The following KCNAB3 variants were observed in gnomAD, a reference collection of about 807,000 sequenced individuals.
KCNAB3 encodes potassium voltage-gated channel subfamily A regulatory beta subunit 3, also known as voltage-gated potassium channel subunit beta-3.
KCNAB3 carries 62 observed loss-of-function variants against 67.7 expected under a neutral mutation model. The observed-to-expected ratio is 0.92, with a 90% CI of 0.75 to 1.13. The LOEUF (loss-of-function observed/expected upper bound fraction) is 1.13, where lower values mean the gene tolerates loss of function less well. Among genes scored for constraint, KCNAB3 ranks in the 50% most tolerant of loss-of-function variants. KCNAB3 has a pLI of 0.00. For synonymous variants in KCNAB3, 212 were observed against 205.4 expected (o/e 1.03, Z -0.27); for missense variants, 514 against 522.9 (o/e 0.98, Z 0.17).
rs1334958564 is a variant in KCNAB3, at chr17:7,922,971, C to G, written c.*131G>C. 2 of 806,348 alleles carry G rather than the reference C, an allele frequency of 2.5e-6. No homozygotes were observed. Among genetic ancestry groups the G allele is most frequent in the African/African-American group, 3.4e-5 (2 of 59,460 alleles). 49.9% of individuals were successfully genotyped at this position (806,348 alleles called of 1,614,324 possible). A position where few individuals can be genotyped will look rare whatever the true frequency, so the allele number is the denominator to read the frequency against. ...TGCGTATCACTACTCGAAGCCGGGA[C>G]TCGTTGGTGGGCGGGGCTAGTCTGG... On this transcript the variant is annotated 3_prime_UTR_variant, in exon 14 of 14. Transcript: ENST00000303790.
chr17:7,929,835 G>GCTTT lies in KCNAB3; in HGVS notation c.-401_-400insAAAG. The GCTTT allele has an allele frequency of 1.1e-5, 11 of 1,029,898 alleles. No homozygotes were observed. Among genetic ancestry groups the GCTTT allele is most frequent in the South Asian group, 3.5e-5 (1 of 28,926 alleles). The allele number at this position is 1,029,898 out of a possible 1,614,324, so 63.8% of individuals were successfully genotyped here. On this transcript the variant is annotated 5_prime_UTR_variant, in exon 1 of 14. Coordinates refer to ENST00000303790, the MANE Select transcript of KCNAB3 (RefSeq NM_004732.4). This position sits in a 1 kb window ranked among gnomAD's most constrained non-coding sequence, Gnocchi z 5.7. ...TGCGGGACCCGCTGGGCTCCCAGCC[G>GCTTT]CGTCGGCAGCGGGCCCAGCTCATCA...
chr17:7,927,703 G>C lies in KCNAB3; in HGVS notation c.287-9C>G. On this transcript the variant is annotated splice_polypyrimidine_tract_variant and intron_variant, in intron 2 of 13. Coordinates refer to ENST00000303790, the MANE Select transcript of KCNAB3 (RefSeq NM_004732.4). ...AAATGTGACCCAGGTACCTGCAAGA[G>C]AGAAGCCAGGCACATGAGAACTGCA... is the stretch of plus-strand genomic sequence containing the variant. 1 of 1,614,190 alleles carries C rather than the reference G, an allele frequency of 6.2e-7. No individual in the cohort carries two copies. The highest frequency in any genetic ancestry group is 8.5e-7 in the Non-Finnish European group (1 of 1,180,018).
chr17:7,929,420 C>T lies in KCNAB3; in HGVS notation c.16G>A (p.Ala6Thr), dbSNP rs1224449471. Residue 6 changes from alanine (A) to threonine (T), a missense_variant, in exon 1 of 14, where the codon GCG becomes ACG. Ala to Thr is a moderately conservative substitution (Grantham distance 58). Transcript: ENST00000303790. This position sits in a 1 kb window ranked among gnomAD's most constrained non-coding sequence, Gnocchi z 5.7. ...CTGCGAAGGTTCTGCTCGGTACACG[C>T]GATAGACACCTGCATGCTGGCTGGC... is the stretch of plus-strand genomic sequence containing the variant. MQVSIACTEQNLRSRS... is the reference protein window; with the variant it reads MQVSITCTEQNLRSRS... 6.5e-7 allele frequency: 1 copy of T among 1,547,844 alleles called. No individual in the cohort carries two copies. Among genetic ancestry groups the T allele is most frequent in the East Asian group, 2.4e-5 (1 of 40,838 alleles).
chr17:7,925,631 T>G, intron 7 of KCNAB3, 52 bp downstream of exon 7: 1 of 1,570,686 alleles, frequency 6.4e-7, no homozygotes, highest in Non-Finnish European at 8.7e-7. Flanking sequence ...TGTTCCCTAC[T>G]CCTCTGGCTT....
chr17:7,929,824 G>GATC lies in KCNAB3; in HGVS notation c.-390_-389insGAT. On this transcript the variant is annotated 5_prime_UTR_variant, in exon 1 of 14. Transcript: ENST00000303790. This position sits in a 1 kb window ranked among gnomAD's most constrained non-coding sequence, Gnocchi z 5.7. ...GCGCGAACCGCTGCGGGACCCGCTG[G>GATC]GCTCCCAGCCGCGTCGGCAGCGGGC... The GATC allele has an allele frequency of 3.9e-6, 4 of 1,015,320 alleles. No individual in the cohort carries two copies. The highest frequency in any genetic ancestry group is 6.0e-5 in the Admixed American group (1 of 16,552). The allele number at this position is 1,015,320 out of a possible 1,614,324, so 62.9% of individuals were successfully genotyped here.
In KCNAB3 at chr17:7,929,409, C is replaced by G. The variant is rs1157526556; in HGVS notation, c.27G>C (p.Glu9Asp). ...CACTGCTCCGGCTGCGAAGGTTCTG[C>G]TCGGTACACGCGATAGACACCTGCA... MQVSIACTEQNLRSRSSED... is the reference protein window; with the variant it reads MQVSIACTDQNLRSRSSED... The change falls in exon 1 of 14, where the codon GAG (glutamate) becomes GAC (aspartate). Residue 9 changes from glutamate to aspartate, a missense_variant. By Grantham distance (45) the Glu-to-Asp change is conservative. Coordinates refer to ENST00000303790, the MANE Select transcript of KCNAB3 (RefSeq NM_004732.4). The surrounding 1 kb of genome is among the most constrained non-coding windows in gnomAD (Gnocchi z 5.7). 6.5e-7 allele frequency: 1 copy of G among 1,548,280 alleles called. No individual in the cohort carries two copies.
Position 7,922,837 on chromosome 17 carries a change from C to T in KCNAB3, c.*265G>A, listed in dbSNP as rs551764637. 7.9e-4 allele frequency: 423 copies of T among 534,484 alleles called. 1 individual carries two copies. Among genetic ancestry groups the T allele is most frequent in the Non-Finnish European group, 1.2e-3 (351 of 295,054 alleles). The allele number at this position is 534,484 out of a possible 1,614,324, so 33.1% of individuals were successfully genotyped here. On this transcript the variant is annotated 3_prime_UTR_variant, in exon 14 of 14. Coordinates refer to ENST00000303790, the MANE Select transcript of KCNAB3 (RefSeq NM_004732.4). ...AGACGAAGTGGCAGAGAGCCGACGG[C>T]GAGTAGCTCATGCCCGGGATTTGCA...
In KCNAB3 at chr17:7,929,820, G is replaced by T; in HGVS notation, c.-385C>A. The T allele has an allele frequency of 3.6e-5, 37 of 1,022,690 alleles. No individual in the cohort carries two copies. The highest frequency in any genetic ancestry group is 2.6e-4 in the South Asian group (7 of 27,022). The allele number at this position is 1,022,690 out of a possible 1,614,324, so 63.4% of individuals were successfully genotyped here. A position where few individuals can be genotyped will look rare whatever the true frequency, so the allele number is the denominator to read the frequency against. ...TTCAGCGCGAACCGCTGCGGGACCC[G>T]CTGGGCTCCCAGCCGCGTCGGCAGC... is the stretch of plus-strand genomic sequence containing the variant. On this transcript the variant is annotated 5_prime_UTR_variant, in exon 1 of 14. Transcript: ENST00000303790. This position sits in a 1 kb window ranked among gnomAD's most constrained non-coding sequence, Gnocchi z 5.7.
At chr17:7,925,996 G>A in intron 5 of KCNAB3, 21 bp from the exon 6 acceptor site, 1 of 1,614,112 alleles carries the variant, frequency 6.2e-7, no homozygotes, top group Non-Finnish European at 8.5e-7. Context: ...AGAAATGGGA[G>A]AACCAGTAAG....
Position 7,928,032 on chromosome 17 carries a change from T to C in KCNAB3, c.243-206A>G, listed in dbSNP as rs1598038078. On this transcript the variant is annotated intron_variant, in intron 1 of 13. Transcript: ENST00000303790. ...TTCTCAAAAGGACAAGTGAACCATA[T>C]GTGACTGTTCCTCTGGAGCCACTGT... 9.7e-6 allele frequency: 6 copies of C among 620,694 alleles called. No individual in the cohort carries two copies. The East Asian group carries it at 1.6e-4, about 17-fold the overall frequency. The allele number at this position is 620,694 out of a possible 1,614,324, so 38.4% of individuals were successfully genotyped here.
At position 7,922,868 on chromosome 17, in the gene KCNAB3, G is replaced by A; in HGVS notation, c.*234C>T. 1 of 574,722 alleles carries A rather than the reference G, an allele frequency of 1.7e-6. No homozygotes were observed. The highest frequency in any genetic ancestry group is 4.7e-4 in the Middle Eastern group (1 of 2,122). The allele number at this position is 574,722 out of a possible 1,614,324, so 35.6% of individuals were successfully genotyped here. A position where few individuals can be genotyped will look rare whatever the true frequency, so the allele number is the denominator to read the frequency against. ...GCTCATGCCCGGGATTTGCAAGAAG[G>A]GCCTAGAAAGACGCAGCAGGGGGCG... is the stretch of plus-strand genomic sequence containing the variant. On this transcript the variant is annotated 3_prime_UTR_variant, in exon 14 of 14. Coordinates refer to ENST00000303790, the MANE Select transcript of KCNAB3 (RefSeq NM_004732.4).
chr17:7,922,913 C>A lies in KCNAB3; in HGVS notation c.*189G>T. On this transcript the variant is annotated 3_prime_UTR_variant, in exon 14 of 14. Transcript: ENST00000303790. The stretch of plus-strand genomic sequence containing the variant: ...GGGGCGGGCGTGCTACTTTCTCTCT[C>A]GACCCCACTGCAAAAGGATATGGCT... 1.6e-6 allele frequency: 1 copy of A among 607,522 alleles called. No individual in the cohort carries two copies. Among genetic ancestry groups the A allele is most frequent in the Non-Finnish European group, 3.0e-6 (1 of 337,598 alleles). The allele number at this position is 607,522 out of a possible 1,614,324, so 37.6% of individuals were successfully genotyped here.
rs1972080125 is a variant in KCNAB3, at chr17:7,922,903, CTT to C, written c.*197_*198del. ...GACGCAGCAGGGGGCGGGCGTGCTA[CTT>C]TCTCTCTCGACCCCACTGCAAAAGG... On this transcript the variant is annotated 3_prime_UTR_variant, in exon 14 of 14. Coordinates refer to ENST00000303790, the MANE Select transcript of KCNAB3 (RefSeq NM_004732.4). 5.0e-6 allele frequency: 3 copies of C among 596,210 alleles called. No individual in the cohort carries two copies. The highest frequency in any genetic ancestry group is 9.0e-6 in the Non-Finnish European group (3 of 331,572). The allele number at this position is 596,210 out of a possible 1,614,324, so 36.9% of individuals were successfully genotyped here. A position where few individuals can be genotyped will look rare whatever the true frequency, so the allele number is the denominator to read the frequency against.
chr17:7,923,473 GT>G lies in KCNAB3; in HGVS notation c.1119del (p.Glu373AspfsTer9), dbSNP rs766795274. On this transcript the variant is annotated frameshift_variant, in exon 13 of 14. Transcript: ENST00000303790. LOFTEE classifies it high-confidence loss of function. ...LGVSSAEQLI[E>X]HLGALQVLSQ... is the part of the protein sequence containing the mutation. ...CGGCTCACCTGTAGCGCGCCCAGGT[GT>G]TCTATCAACTGCTCCGCACTCGACA... The G allele has an allele frequency of 1.9e-6, 3 of 1,611,564 alleles. No homozygotes were observed. Among genetic ancestry groups the G allele is most frequent in the Non-Finnish European group, 2.5e-6 (3 of 1,178,992 alleles).
rs1413219214 is a variant in KCNAB3, at chr17:7,923,132, G to A, written c.1185C>T (p.Leu395=). Reference sequence around the variant, plus strand: ...TCTTGGAATGCGGCTTGTTTCCCAGGAGCCCGTCTATTTCCATCACTGTCT... The same window carrying A: ...TCTTGGAATGCGGCTTGTTTCCCAGAAGCCCGTCTATTTCCATCACTGTCT... ...TPQTVMEIDG[L]LGNKPHSKK The change falls in exon 14 of 14, where the codon CTC becomes CTT. Residue 395 remains leucine (L), a synonymous_variant. Transcript: ENST00000303790. 1 of 1,614,202 alleles carries A rather than the reference G, an allele frequency of 6.2e-7. No homozygotes were observed. The highest frequency in any genetic ancestry group is 1.1e-5 in the South Asian group (1 of 91,086).
chr17:7,929,796 T>TTTTAATGATA lies in KCNAB3; in HGVS notation c.-362_-361insTATCATTAAA. On this transcript the variant is annotated 5_prime_UTR_variant, in exon 1 of 14. Coordinates refer to ENST00000303790, the MANE Select transcript of KCNAB3 (RefSeq NM_004732.4). The surrounding 1 kb of genome is among the most constrained non-coding windows in gnomAD (Gnocchi z 5.7). ...AGCGGGGCGGGAGAGAGATGCCACTTCAGCGCGAACCGCTGCGGGACCCGC... is the reference window on the plus strand; with the variant it reads ...AGCGGGGCGGGAGAGAGATGCCACTTTTTAATGATACAGCGCGAACCGCTGCGGGACCCGC... 1.8e-6 allele frequency: 2 copies of TTTTAATGATA among 1,129,032 alleles called. No individual in the cohort carries two copies. Among genetic ancestry groups the TTTTAATGATA allele is most frequent in the Non-Finnish European group, 2.2e-6 (2 of 916,554 alleles). The allele number at this position is 1,129,032 out of a possible 1,614,324, so 69.9% of individuals were successfully genotyped here. A position where few individuals can be genotyped will look rare whatever the true frequency, so the allele number is the denominator to read the frequency against.
rs1252623718 is a variant in KCNAB3, at chr17:7,923,495, C to A, written c.1098G>T (p.Ser366=). Reference sequence around the variant, plus strand: ...GGTGTTCTATCAACTGCTCCGCACTCGACACCCCCAGCAAGACAGAGCTGA... The same window carrying A: ...GGTGTTCTATCAACTGCTCCGCACTAGACACCCCCAGCAAGACAGAGCTGA... The part of the protein sequence containing the change: ...EGVSSVLLGV[S]SAEQLIEHLG... Residue 366 remains serine (S), a synonymous_variant, in exon 13 of 14, where the codon TCG becomes TCT. Coordinates refer to ENST00000303790, the MANE Select transcript of KCNAB3 (RefSeq NM_004732.4). 3.1e-6 allele frequency: 5 copies of A among 1,612,584 alleles called. No individual in the cohort carries two copies. The Admixed American group carries it at 6.7e-5, about 22-fold the overall frequency.
In KCNAB3 at chr17:7,925,631, T is replaced by TCCTCTGG; in HGVS notation, c.538+45_538+51dup. ...CAGAAGTTCAGAGAATGTTCCCTAC[T>TCCTCTGG]CCTCTGGCTTCCATATCCCCTCACT... On this transcript the variant is annotated intron_variant, in intron 7 of 13. Coordinates refer to ENST00000303790, the MANE Select transcript of KCNAB3 (RefSeq NM_004732.4). The TCCTCTGG allele has an allele frequency of 1.9e-6, 3 of 1,570,686 alleles. No homozygotes were observed. In the East Asian group the frequency reaches 6.8e-5, roughly 36 times the overall value.
At chr17:7,925,551 A>T in intron 7 of KCNAB3, 132 bp downstream of exon 7, 1 of 557,698 alleles carries the variant, frequency 1.8e-6, no homozygotes, top group Non-Finnish European at 2.9e-6. Context: ...AAAAAAAAAA[A>T]GAATTCAGAC....
Sources: allele counts gnomAD v4.1 joint callset, GRCh38; gene constraint gnomAD v4.1.1; non-coding constraint Gnocchi (gnomAD v3.1); transcripts MANE v1.5; gene names NCBI Gene and HGNC (gene_info 2026-07-23, HGNC 2026-07-21).